Variants in MAPK14 observed in about 807,000 individuals in gnomAD.
MAPK14 encodes mitogen-activated protein kinase 14, also known as CSAID-binding protein.
In MAPK14, 16 loss-of-function variants were observed where a neutral mutation model predicts 49.6. The observed-to-expected ratio is 0.32, with a 90% CI of 0.22 to 0.49. The LOEUF (loss-of-function observed/expected upper bound fraction) is 0.49, where lower values mean the gene tolerates loss of function less well. Ranked by LOEUF, MAPK14 falls within the 20% of genes least tolerant of loss-of-function variation. MAPK14 has a pLI of 0.99. For synonymous variants in MAPK14, 142 were observed against 158.0 expected (o/e 0.90, Z 0.76); for missense variants, 200 against 441.2 (o/e 0.45, Z 4.90).
At chr6:36,114,587 C>T (rs1766028080), downstream of MAPK14, among the ~76,000 whole-genome samples, 1 of 150,458 alleles carries the variant, frequency 6.6e-6, no homozygotes. Context: ...CGCAGCACTC[C>T]AGCCTGGGCA....
At chr6:36,121,058 C>A in the MAPK14 span, among the ~76,000 whole-genome samples, 1 of 151,930 alleles carries the variant, frequency 6.6e-6, no homozygotes, top group African/African-American at 2.4e-5. Flanking sequence ...ACGAGGATGC[C>A]CCACCCCCCC....
At chr6:36,046,546 A>G (rs1017876718) in intron 1 of MAPK14, among the ~76,000 whole-genome samples, 2 of 152,214 alleles carry the variant, frequency 1.3e-5, no homozygotes, top group African/African-American at 4.8e-5. Context: ...TCATTTCATG[A>G]AAGAATTTAA....
chr6:36,052,301 AT>A (rs1466589711), intron 1 of MAPK14, among the ~76,000 whole-genome samples: 3 of 152,208 alleles, frequency 2.0e-5, no homozygotes, highest in African/African-American at 7.2e-5. Context: ...GCTCATCTAG[AT>A]CAGGCAGCTG....
chr6:36,059,153 G>T, intron 2 of MAPK14, 136 bp from the exon 3 acceptor site: 1 of 522,062 alleles, frequency 1.9e-6, no homozygotes, highest in Non-Finnish European at 3.3e-6. Flanking sequence ...GCCTCCCAAA[G>T]TGTTGGGATT....
Position 36,027,835 on chromosome 6 carries a change from G to A in MAPK14, c.-323G>A, listed in dbSNP as rs1217988378. 1.0e-5 allele frequency: 4 copies of A among 400,980 alleles called. No homozygotes were observed. Among genetic ancestry groups the A allele is most frequent in the African/African-American group, 2.1e-5 (1 of 48,646 alleles). The allele number at this position is 400,980 out of a possible 1,614,324, so 24.8% of individuals were successfully genotyped here. ...TGGAGCCTTAGCGGGCGCAGCAGCT[G>A]GAACGGGAGTACTGCGACGCAGCCC... On this transcript the variant is annotated 5_prime_UTR_variant, in exon 1 of 12. Coordinates refer to ENST00000229794, the MANE Select transcript of MAPK14 (RefSeq NM_139012.3).
chr6:36,057,270 A>G (rs982929386), intron 2 of MAPK14, among the ~76,000 whole-genome samples: 4 of 152,248 alleles, frequency 2.6e-5, no homozygotes, highest in African/African-American at 9.6e-5. Context: ...TTTAAATATT[A>G]AGTAAAAAGG....
At chr6:36,084,673 A>G (rs1203323020) in intron 8 of MAPK14, among the ~76,000 whole-genome samples, 1 of 152,248 alleles carries the variant, frequency 6.6e-6, no homozygotes, top group Non-Finnish European at 1.5e-5. Flanking sequence ...CTATGGGATT[A>G]TTTAAAAAGA....
intron 3 of MAPK14, among the ~76,000 whole-genome samples, chr6:36,062,416 G>A (rs1359923985): frequency 6.6e-6 from 1 of 152,194 alleles, no homozygotes; most frequent in African/African-American, 2.4e-5. Flanking sequence ...ACAATTGGGA[G>A]TGGTGGGGTC....
Position 36,028,359 on chromosome 6 carries a change from G to T in MAPK14, c.116+86G>T, listed in dbSNP as rs1762391963. Reference sequence around the variant, plus strand: ...GGCCTGCTCCACTGCTCAGCGTTGCGTCAAGTGGCAGGAATTTTCCTCGGG... The same window carrying T: ...GGCCTGCTCCACTGCTCAGCGTTGCTTCAAGTGGCAGGAATTTTCCTCGGG... On this transcript the variant is annotated intron_variant, in intron 1 of 11. Coordinates refer to ENST00000229794, the MANE Select transcript of MAPK14 (RefSeq NM_139012.3). This position sits in a 1 kb window ranked among gnomAD's most constrained non-coding sequence, Gnocchi z 5.1. 1.3e-5 allele frequency: 12 copies of T among 938,826 alleles called. 1 individual carries two copies. Among genetic ancestry groups the T allele is most frequent in the Middle Eastern group, 5.0e-4 (2 of 3,972 alleles). The allele number at this position is 938,826 out of a possible 1,614,324, so 58.2% of individuals were successfully genotyped here.
intron 1 of MAPK14, among the ~76,000 whole-genome samples, chr6:36,048,846 G>A (rs1039333117): frequency 2.6e-5 from 4 of 152,180 alleles, no homozygotes; most frequent in African/African-American, 9.7e-5. Flanking sequence ...ACATAAATTT[G>A]GGAGTTTTCA....
chr6:36,065,620 T>C (rs575994937), intron 3 of MAPK14, among the ~76,000 whole-genome samples: 1 of 151,818 alleles, frequency 6.6e-6, no homozygotes, highest in South Asian at 2.1e-4. Flanking sequence ...TGGGGCTTTA[T>C]AAGCTAAGCC....
chr6:36,074,975 C>T (rs559665475), intron 6 of MAPK14, among the ~76,000 whole-genome samples: 45 of 151,732 alleles, frequency 3.0e-4, no homozygotes, highest in African/African-American at 1.0e-3. Context: ...GCCTGTAATC[C>T]CAGCACTTTG....
At chr6:36,047,374 T>C (rs1763220222) in intron 1 of MAPK14, among the ~76,000 whole-genome samples, 1 of 152,092 alleles carries the variant, frequency 6.6e-6, no homozygotes, top group South Asian at 2.1e-4. Context: ...TGAAAGGAGC[T>C]AGCAGAACAT....
chr6:36,093,539 G>A (rs899490820), intron 8 of MAPK14, among the ~76,000 whole-genome samples: 51 of 152,066 alleles, frequency 3.4e-4, no homozygotes, highest in African/African-American at 1.2e-3. Flanking sequence ...CTAACATGGT[G>A]AAACCCCGTC....
Position 36,109,076 on chromosome 6 carries a change from G to T in MAPK14, c.*629G>T, listed in dbSNP as rs550193116. 3.3e-5 allele frequency: 5 copies of T among 153,178 alleles called. No individual in the cohort carries two copies. The highest frequency in any genetic ancestry group is 4.8e-5 in the African/African-American group (2 of 41,584). 9.5% of individuals were successfully genotyped at this position (153,178 alleles called of 1,614,324 possible). On this transcript the variant is annotated 3_prime_UTR_variant, in exon 12 of 12. Coordinates refer to ENST00000229794, the MANE Select transcript of MAPK14 (RefSeq NM_139012.3). ...GTGCCTTAAAAGGAGAGAAGAAAGT[G>T]TAGATAGTTAAAAGACTGCAGCTGC...
chr6:36,042,820 A>G (rs996841874), intron 1 of MAPK14, among the ~76,000 whole-genome samples: 1 of 152,094 alleles, frequency 6.6e-6, no homozygotes, highest in South Asian at 2.1e-4. Flanking sequence ...TTATAAAATC[A>G]TTCTACTTTC....
At chr6:36,091,064 CT>C (rs1041761515) in intron 8 of MAPK14, among the ~76,000 whole-genome samples, 106 of 152,324 alleles carry the variant, frequency 7.0e-4, no homozygotes, top group African/African-American at 2.5e-3. Context: ...CACTTCACCC[CT>C]ATGTGGATTT....
rs1765914158 is a variant in MAPK14, at chr6:36,109,862, G to A, written c.*1415G>A. 6.6e-6 allele frequency: 1 copy of A among 152,554 alleles called. No homozygotes were observed. The highest frequency in any genetic ancestry group is 1.5e-5 in the Non-Finnish European group (1 of 68,022). The allele number at this position is 152,554 out of a possible 1,614,324, so 9.5% of individuals were successfully genotyped here. On this transcript the variant is annotated 3_prime_UTR_variant, in exon 12 of 12. Coordinates refer to ENST00000229794, the MANE Select transcript of MAPK14 (RefSeq NM_139012.3). ...TTACTTTAAAATAAAAAAGTAACAA[G>A]GTGTCTTTTCCACTCCTATGGAAAA...
chr6:36,080,232 C>T (rs1284447860), intron 8 of MAPK14, among the ~76,000 whole-genome samples: 2 of 152,162 alleles, frequency 1.3e-5, no homozygotes, highest in African/African-American at 2.4e-5. Context: ...CCACTGCACC[C>T]GGCCCCATTT....
Sources: allele counts gnomAD v4.1 joint callset (sites outside exome capture counted in the v4.1 genomes callset), GRCh38; gene constraint gnomAD v4.1.1; non-coding constraint Gnocchi (gnomAD v3.1); transcripts MANE v1.5; gene names NCBI Gene and HGNC (gene_info 2026-07-23, HGNC 2026-07-21).